The following PHLPP1 variants were observed in gnomAD, a reference collection of about 807,000 sequenced individuals.
PHLPP1 encodes the protein PH domain leucine-rich repeat-containing protein phosphatase 1.
PHLPP1 carries 42 observed loss-of-function variants against 117.2 expected under a neutral mutation model. The ratio of observed to expected loss-of-function variants is 0.36; its 90% CI spans 0.28 to 0.46. The LOEUF is 0.46. Among genes scored for constraint, PHLPP1 ranks in the 20% least tolerant of loss-of-function variants. The pLI is 1.00. For synonymous variants in PHLPP1, 1,042 were observed against 970.7 expected (o/e 1.07, Z -1.37); for missense variants, 2,084 against 2,241.9 (o/e 0.93, Z 1.42).
chr18:62,785,854 A>T (rs1913268396), intron 1 of PHLPP1, among the ~76,000 whole-genome samples: 1 of 152,174 alleles, frequency 6.6e-6, no homozygotes, highest in African/African-American at 2.4e-5. Flanking sequence ...GCTGAACTGA[A>T]TTGTATTTGA....
At chr18:62,758,873 A>G (rs1006789589) in intron 1 of PHLPP1, among the ~76,000 whole-genome samples, 1 of 152,254 alleles carries the variant, frequency 6.6e-6, no homozygotes, top group Non-Finnish European at 1.5e-5. Context: ...TGGTGATTGC[A>G]ATAAGGGGAG....
chr18:62,822,265 G>GT lies in PHLPP1; in HGVS notation c.1577-7756dup, dbSNP rs56800588. 8.5e-3 allele frequency among the ~76,000 whole-genome samples: 979 copies of GT among 115,856 alleles called. 10 individuals are homozygous for GT. The highest frequency in any genetic ancestry group is 0.034 in the East Asian group (128 of 3,724). The allele number at this position is 115,856 out of a possible 152,430, so 76.0% of individuals were successfully genotyped here. On this transcript the variant is annotated intron_variant, in intron 1 of 16. Coordinates refer to ENST00000262719, the MANE Select transcript of PHLPP1 (RefSeq NM_194449.4). ...ATATAGAGGATCTGTAGAAAATAGTGTTTTTTTTTTTTTTGTTTTTGTTTT... is the reference window on the plus strand; with the variant it reads ...ATATAGAGGATCTGTAGAAAATAGTGTTTTTTTTTTTTTTTGTTTTTGTTTT...
chr18:62,875,758 C>T (rs1198317400), intron 4 of PHLPP1, among the ~76,000 whole-genome samples: 1 of 151,428 alleles, frequency 6.6e-6, no homozygotes, highest in Admixed American at 6.6e-5. Flanking sequence ...ATCAGAGTCT[C>T]ACTCTATCCT....
intron 1 of PHLPP1, among the ~76,000 whole-genome samples, chr18:62,752,476 G>T (rs968133879): frequency 2.1e-4 from 32 of 152,222 alleles, no homozygotes; most frequent in African/African-American, 7.5e-4. Context: ...CTGAATTGTT[G>T]TTATATCTCC....
intron 12 of PHLPP1, among the ~76,000 whole-genome samples, chr18:62,951,817 T>C (rs1168156877): frequency 2.8e-5 from 4 of 144,686 alleles, no homozygotes; most frequent in Non-Finnish European, 4.6e-5. Flanking sequence ...AATTAATTTT[T>C]TTTTTTTTTT....
intron 6 of PHLPP1, among the ~76,000 whole-genome samples, chr18:62,897,210 GAGAC>G (rs1278710470): frequency 2.0e-5 from 3 of 152,138 alleles, no homozygotes; most frequent in Non-Finnish European, 4.4e-5. Flanking sequence ...TACATGTAGG[GAGAC>G]ATCATTTTTC....
intron 3 of PHLPP1, among the ~76,000 whole-genome samples, chr18:62,840,463 CAT>C (rs1020031782): frequency 5.3e-5 from 8 of 152,168 alleles, no homozygotes; most frequent in African/African-American, 1.7e-4. Flanking sequence ...TAAAATTATT[CAT>C]ATGTTTACAA....
At chr18:62,921,332 CA>C (rs1909461455) in intron 10 of PHLPP1, among the ~76,000 whole-genome samples, 1 of 152,160 alleles carries the variant, frequency 6.6e-6, no homozygotes, top group Non-Finnish European at 1.5e-5. Flanking sequence ...GAAATGATGA[CA>C]GATCTTTTTA....
chr18:62,750,573 A>G (rs1358672392), intron 1 of PHLPP1, among the ~76,000 whole-genome samples: 1 of 152,064 alleles, frequency 6.6e-6, no homozygotes, highest in Non-Finnish European at 1.5e-5. Context: ...CTTGTCTCAG[A>G]TTGGACTGTT....
At position 62,913,084 on chromosome 18, in the gene PHLPP1, G is replaced by A. The variant is rs146241327; in HGVS notation, c.2709-1829G>A. ...CTTAAATGATAATTCATCTTCCTGT[G>A]GCCACTCTCATGCCCAGAATCTTCA... On this transcript the variant is annotated intron_variant, in intron 8 of 16. Coordinates refer to ENST00000262719, the MANE Select transcript of PHLPP1 (RefSeq NM_194449.4). 2.2e-4 allele frequency among the ~76,000 whole-genome samples: 33 copies of A among 152,164 alleles called. No individual in the cohort carries two copies. The East Asian group carries it at 4.4e-3, about 20-fold the overall frequency.
At chr18:62,953,618 A>G (rs748551906) in intron 12 of PHLPP1, among the ~76,000 whole-genome samples, 2 of 152,240 alleles carry the variant, frequency 1.3e-5, no homozygotes, top group Non-Finnish European at 2.9e-5. Context: ...TGTGTCTGCC[A>G]TCTCCATATG....
chr18:62,938,943 CA>C (rs1910049980), intron 10 of PHLPP1, among the ~76,000 whole-genome samples: 1 of 151,674 alleles, frequency 6.6e-6, no homozygotes, highest in South Asian at 2.1e-4. Flanking sequence ...TGTATAACTA[CA>C]TATTTCCTAG....
chr18:62,816,099 A>T (rs549216284), intron 1 of PHLPP1, among the ~76,000 whole-genome samples: 1 of 152,280 alleles, frequency 6.6e-6, no homozygotes, highest in East Asian at 1.9e-4. Flanking sequence ...CTTCACTATA[A>T]ATAATATTAC....
At chr18:62,766,911 A>G (rs1332704477) in intron 1 of PHLPP1, among the ~76,000 whole-genome samples, 3 of 152,190 alleles carry the variant, frequency 2.0e-5, no homozygotes, top group African/African-American at 7.2e-5. Flanking sequence ...TTTTTGAAAG[A>G]TAAACTGTCT....
At chr18:62,886,129 G>A (rs531015589) in intron 4 of PHLPP1, among the ~76,000 whole-genome samples, 2 of 152,278 alleles carry the variant, frequency 1.3e-5, no homozygotes, top group African/African-American at 4.8e-5. Context: ...ATTTTATAAT[G>A]TAAATATAGT....
intron 16 of PHLPP1, 21 bp downstream of exon 16, chr18:62,975,646 C>G: frequency 6.6e-7 from 1 of 1,519,232 alleles, no homozygotes; most frequent in Non-Finnish European, 9.1e-7. Flanking sequence ...AGGGGTGTTG[C>G]CCAGGATGGT....
chr18:62,753,139 G>A (rs533344046), intron 1 of PHLPP1, among the ~76,000 whole-genome samples: 1 of 152,340 alleles, frequency 6.6e-6, no homozygotes, highest in Non-Finnish European at 1.5e-5. Context: ...GAGAAATAGT[G>A]CAGAGCTTTT....
In PHLPP1 at chr18:62,850,073, A is replaced by AT. The variant is rs550738658; in HGVS notation, c.1900-10346dup. Among the ~76,000 whole-genome samples the AT allele has an allele frequency of 4.5e-3, 613 of 135,226 alleles. 2 individuals carry two copies. The highest frequency in any genetic ancestry group is 9.8e-3 in the African/African-American group (360 of 36,862). The allele number at this position is 135,226 out of a possible 152,430, so 88.7% of individuals were successfully genotyped here. On this transcript the variant is annotated intron_variant, in intron 3 of 16. Coordinates refer to ENST00000262719, the MANE Select transcript of PHLPP1 (RefSeq NM_194449.4). ...TATTAGACTTGGAAATTAAACATCA[A>AT]TTTTTTTTTTTTTTTTGTATTTAGA...
intron 1 of PHLPP1, among the ~76,000 whole-genome samples, chr18:62,777,106 T>C (rs1912982807): frequency 6.6e-6 from 1 of 152,222 alleles, no homozygotes; most frequent in Admixed American, 6.5e-5. Context: ...GTTCGTTTAA[T>C]TTTAAAGGAA....
Sources: gnomAD v4.1 joint callset for allele counts (sites outside exome capture counted in the v4.1 genomes callset) on GRCh38, gnomAD v4.1.1 for gene constraint, MANE v1.5 for transcripts, NCBI Gene and HGNC (gene_info 2026-07-23, HGNC 2026-07-21) for gene names.